The following ACTN4 variants were observed in gnomAD, a reference collection of about 807,000 sequenced individuals.
The protein encoded by ACTN4 is alpha-actinin-4.
In ACTN4, 18 loss-of-function variants were observed where a neutral mutation model predicts 114.2. The ratio of observed to expected loss-of-function variants is 0.16; its 90% CI spans 0.11 to 0.23. The LOEUF is 0.23. ACTN4 is among the 10% of genes least tolerant of loss of function. The probability of loss-of-function intolerance (pLI) is 1.00; values close to 1 mark genes in which losing one functional copy is unlikely to be tolerated. For missense variants in ACTN4, 722 were observed against 1,262.9 expected, an observed-to-expected ratio of 0.57 and a Z score of 6.49; for synonymous variants, 515 against 506.3, an observed-to-expected ratio of 1.02 and a Z score of -0.23.
chr19:38,682,201 A>T (rs1239713882), intron 1 of ACTN4, among the ~76,000 whole-genome samples: 2 of 151,632 alleles, frequency 1.3e-5, no homozygotes, highest in East Asian at 3.9e-4. Flanking sequence ...TTTCTTTTTA[A>T]ATTTTGTTTA....
Position 38,724,955 on chromosome 19 carries a change from T to C in ACTN4, c.2010+390T>C, listed in dbSNP as rs1969182879. Among the ~76,000 whole-genome samples the C allele has an allele frequency of 6.6e-6, 1 of 152,236 alleles. No individual in the cohort carries two copies. Among genetic ancestry groups the C allele is most frequent in the Non-Finnish European group, 1.5e-5 (1 of 68,048 alleles). ...CCTGACAGCGAGACCCTGTGGTCTC[T>C]AGTGGGCTACCTATGGGAGGTGGGT... On this transcript the variant is annotated intron_variant, in intron 16 of 20. Coordinates refer to ENST00000252699, the MANE Select transcript of ACTN4 (RefSeq NM_004924.6). The surrounding 1 kb of genome is among the most constrained non-coding windows in gnomAD (Gnocchi z 7.0).
In ACTN4 at chr19:38,729,583, C is replaced by G; in HGVS notation, c.*151C>G. The G allele has an allele frequency of 9.5e-7, 1 of 1,055,450 alleles. No individual in the cohort carries two copies. The highest frequency in any genetic ancestry group is 1.4e-6 in the Non-Finnish European group (1 of 708,840). The allele number at this position is 1,055,450 out of a possible 1,614,324, so 65.4% of individuals were successfully genotyped here. On this transcript the variant is annotated 3_prime_UTR_variant, in exon 21 of 21. Coordinates refer to ENST00000252699, the MANE Select transcript of ACTN4 (RefSeq NM_004924.6). The stretch of plus-strand genomic sequence containing the variant: ...GGGCAGGGAGGGGCTGGGGCAGGCT[C>G]TCTCCTCTCTCTCTTTGTGGGTTGG...
At chr19:38,705,926 T>C in intron 4 of ACTN4, 118 bp from the exon 5 acceptor site, 1 of 939,864 alleles carries the variant, frequency 1.1e-6, no homozygotes, top group Non-Finnish European at 1.7e-6. Context: ...AGGACAGATA[T>C]CCTCTCCCCT....
chr19:38,710,105 C>A, intron 7 of ACTN4, 152 bp from the exon 8 acceptor site: 1 of 793,598 alleles, frequency 1.3e-6, no homozygotes, highest in Admixed American at 1.7e-5. Context: ...GAGGGAGGGG[C>A]TGAGGGTGTG....
Position 38,729,858 on chromosome 19 carries a change from CGAGGGGCCAGCA to C in ACTN4, c.*432_*443del. The C allele has an allele frequency of 2.7e-6, 1 of 366,446 alleles. No homozygotes were observed. The highest frequency in any genetic ancestry group is 3.6e-5 in the Admixed American group (1 of 28,122). The allele number at this position is 366,446 out of a possible 1,614,324, so 22.7% of individuals were successfully genotyped here. ...TTGTCCAGGAACTGCCTGGGCCATGCGAGGGGCCAGCAGAGGGCGCCACCACCACCTGACGGC... is the reference window on the plus strand; with the variant it reads ...TTGTCCAGGAACTGCCTGGGCCATGCGAGGGCGCCACCACCACCTGACGGC... On this transcript the variant is annotated 3_prime_UTR_variant, in exon 21 of 21. Transcript: ENST00000252699.
intron 12 of ACTN4, among the ~76,000 whole-genome samples, chr19:38,722,460 G>C (rs958318079): frequency 7.2e-6 from 1 of 138,944 alleles, no homozygotes. Flanking sequence ...TCCAAGGCCC[G>C]TTTATTCCTG....
intron 1 of ACTN4, among the ~76,000 whole-genome samples, chr19:38,671,711 A>C (rs1768563809): frequency 6.6e-6 from 1 of 152,196 alleles, no homozygotes; most frequent in Admixed American, 6.5e-5. Flanking sequence ...CCTAAACTCT[A>C]ATTGAGTCCC....
At chr19:38,654,235 C>T (rs1037433834) in intron 1 of ACTN4, among the ~76,000 whole-genome samples, 2 of 152,158 alleles carry the variant, frequency 1.3e-5, no homozygotes, top group Non-Finnish European at 2.9e-5. Flanking sequence ...GAGAAATTAA[C>T]CACCTGACCC....
At position 38,717,322 on chromosome 19, in the gene ACTN4, CACCAGG is replaced by C. The variant is rs1180928298; in HGVS notation, c.1143+8_1143+13del. The C allele has an allele frequency of 1.2e-6, 2 of 1,612,900 alleles. No individual in the cohort carries two copies. Among genetic ancestry groups the C allele is most frequent in the African/African-American group, 1.3e-5 (1 of 74,914 alleles). On this transcript the variant is annotated splice_region_variant and intron_variant, in intron 10 of 20. Transcript: ENST00000252699. This position sits in a 1 kb window ranked among gnomAD's most constrained non-coding sequence, Gnocchi z 4.0. ...CCGAGGGCAAGATGGTCTCGGTGAG[CACCAGG>C]ATTCACATGGGAGCAGCTGTGAGGG... is the stretch of plus-strand genomic sequence containing the variant.
chr19:38,671,622 A>T (rs975717636), intron 1 of ACTN4, among the ~76,000 whole-genome samples: 4 of 152,156 alleles, frequency 2.6e-5, no homozygotes, highest in Admixed American at 2.6e-4. Flanking sequence ...GGAAAATGGG[A>T]TATAGTAGAT....
intron 1 of ACTN4, among the ~76,000 whole-genome samples, chr19:38,685,948 G>A (rs138486343): frequency 3.9e-5 from 6 of 152,264 alleles, no homozygotes; most frequent in African/African-American, 1.4e-4. Context: ...CACCAGCAGG[G>A]CCCAGTTTAC....
At chr19:38,667,852 G>A (rs1223045473) in intron 1 of ACTN4, among the ~76,000 whole-genome samples, 2 of 152,174 alleles carry the variant, frequency 1.3e-5, no homozygotes, top group Non-Finnish European at 2.9e-5. Flanking sequence ...TTTTTCCTCT[G>A]GCTGGAAGTC....
In ACTN4 at chr19:38,718,079, G is replaced by A. The variant is rs781248275; in HGVS notation, c.1291+5G>A. The A allele has an allele frequency of 8.1e-6, 13 of 1,605,340 alleles. No individual in the cohort carries two copies. The highest frequency in any genetic ancestry group is 6.7e-5 in the African/African-American group (5 of 74,800). ...TCCACGAGGCCTGGACTGACGGTACGGCCCAGCTCTGCCCCACTCTGCCCA... is the reference window on the plus strand; with the variant it reads ...TCCACGAGGCCTGGACTGACGGTACAGCCCAGCTCTGCCCCACTCTGCCCA... On this transcript the variant is annotated splice_donor_5th_base_variant and intron_variant, in intron 11 of 20. Transcript: ENST00000252699.
At chr19:38,657,766 G>T (rs953614860) in intron 1 of ACTN4, among the ~76,000 whole-genome samples, 1 of 152,188 alleles carries the variant, frequency 6.6e-6, no homozygotes, top group African/African-American at 2.4e-5. Context: ...GAAGTTGCCT[G>T]AGGGGGACGT....
chr19:38,684,252 T>C (rs1967669517), intron 1 of ACTN4, among the ~76,000 whole-genome samples: 1 of 152,194 alleles, frequency 6.6e-6, no homozygotes, highest in Non-Finnish European at 1.5e-5. Flanking sequence ...CACCCAGTCA[T>C]AAAAATGCCT....
At chr19:38,687,645 A>G (rs1389479944) in intron 1 of ACTN4, among the ~76,000 whole-genome samples, 1 of 152,254 alleles carries the variant, frequency 6.6e-6, no homozygotes, top group Non-Finnish European at 1.5e-5. Flanking sequence ...CAAACGGATC[A>G]GATACCTAAA....
chr19:38,718,194 C>G, intron 11 of ACTN4, 120 bp downstream of exon 11: 3 of 1,493,778 alleles, frequency 2.0e-6, no homozygotes, highest in Non-Finnish European at 9.1e-7. Flanking sequence ...TTCTCAGGTG[C>G]CCTTTCTTGC....
In ACTN4 at chr19:38,717,241, C is replaced by T. The variant is rs1968871475; in HGVS notation, c.1068C>T (p.Asn356=). Residue 356 remains asparagine, a synonymous_variant, in exon 10 of 21, where the codon AAC becomes AAT. Transcript: ENST00000252699. The surrounding 1 kb of genome is among the most constrained non-coding windows in gnomAD (Gnocchi z 4.0). ...AGGAGAAGTGCCAGCTGGAGATCAA[C>T]TTCAACACGCTGCAGACCAAGCTGC... is the stretch of plus-strand genomic sequence containing the variant. ...KVQEKCQLEI[N]FNTLQTKLRL... The T allele has an allele frequency of 1.9e-6, 3 of 1,614,084 alleles. No homozygotes were observed. The highest frequency in any genetic ancestry group is 1.7e-5 in the Admixed American group (1 of 60,004).
intron 8 of ACTN4, chr19:38,711,353 G>A: frequency 9.6e-7 from 1 of 1,039,124 alleles, no homozygotes; most frequent in Non-Finnish European, 1.2e-6. Flanking sequence ...TTTCTCGGGG[G>A]CTCAGAAGGT....
Sources: allele counts gnomAD v4.1 joint callset (sites outside exome capture counted in the v4.1 genomes callset), GRCh38; gene constraint gnomAD v4.1.1; non-coding constraint Gnocchi (gnomAD v3.1); transcripts MANE v1.5; gene names NCBI Gene and HGNC (gene_info 2026-07-23, HGNC 2026-07-21).